Variants in ZMIZ1 observed in about 807,000 individuals in gnomAD.
The protein encoded by ZMIZ1 is zinc finger MIZ domain-containing protein 1.
ZMIZ1 carries 17 observed loss-of-function variants against 113.9 expected under a neutral mutation model. That is an observed-to-expected ratio of 0.15 (90% CI 0.10 to 0.22). The LOEUF is 0.22. ZMIZ1 is among the 10% of genes least tolerant of loss of function. The pLI, the probability that ZMIZ1 is intolerant of heterozygous loss-of-function variation, is 1.00. For synonymous variants in ZMIZ1, 607 were observed against 603.1 expected (o/e 1.01, Z -0.09); for missense variants, 1,059 against 1,477.8 (o/e 0.72, Z 4.65).
intron 8 of ZMIZ1, among the ~76,000 whole-genome samples, chr10:79,284,858 C>T (rs1054728853): frequency 3.3e-5 from 5 of 152,178 alleles, no homozygotes; most frequent in African/African-American, 7.2e-5. Flanking sequence ...TTTGCCAACA[C>T]GGCCAGTACA....
intron 23 of ZMIZ1, among the ~76,000 whole-genome samples, chr10:79,308,792 C>G (rs1158702859): frequency 1.3e-5 from 2 of 152,098 alleles, no homozygotes; most frequent in South Asian, 2.1e-4. Flanking sequence ...CAAAATCACA[C>G]CCCCCGACAC....
intron 1 of ZMIZ1, among the ~76,000 whole-genome samples, chr10:79,079,409 T>A (rs1842584438): frequency 6.6e-6 from 1 of 152,258 alleles, no homozygotes; most frequent in South Asian, 2.1e-4. Flanking sequence ...GTCGAAACTA[T>A]AGCCTTAGTC....
In ZMIZ1 at chr10:79,078,598, G is replaced by A. The variant is rs543786318; in HGVS notation, c.-337+9328G>A. Among the ~76,000 whole-genome samples the A allele has an allele frequency of 3.9e-5, 5 of 126,854 alleles. No individual in the cohort carries two copies. The East Asian group carries it at 1.2e-3, about 31-fold the overall frequency. The allele number at this position is 126,854 out of a possible 152,430, so 83.2% of individuals were successfully genotyped here. A position where few individuals can be genotyped will look rare whatever the true frequency, so the allele number is the denominator to read the frequency against. On this transcript the variant is annotated intron_variant, in intron 1 of 24. Transcript: ENST00000334512. Reference sequence around the variant, plus strand: ...TTTTTTTTTTTTTTTTTTTTGGAGTGCAGTGGTGCAATCTCAGCTCACTGC... The same window carrying A: ...TTTTTTTTTTTTTTTTTTTTGGAGTACAGTGGTGCAATCTCAGCTCACTGC...
chr10:79,137,802 C>T (rs1439422614), intron 2 of ZMIZ1, among the ~76,000 whole-genome samples: 2 of 151,042 alleles, frequency 1.3e-5, no homozygotes, highest in Admixed American at 1.3e-4. Flanking sequence ...TGGGGGAGGA[C>T]CTCTGAGAGG....
intron 23 of ZMIZ1, among the ~76,000 whole-genome samples, chr10:79,310,607 G>A (rs750698428): frequency 1.2e-4 from 18 of 152,166 alleles, no homozygotes; most frequent in Non-Finnish European, 2.4e-4. Context: ...TTGTCTGGGC[G>A]GGGAGGTGGA....
intron 5 of ZMIZ1, among the ~76,000 whole-genome samples, chr10:79,203,009 G>A (rs568498699): frequency 1.3e-5 from 2 of 152,216 alleles, no homozygotes; most frequent in African/African-American, 4.8e-5. Context: ...CCTGGTGTGT[G>A]GTGTCCATTG....
chr10:79,206,166 C>T (rs1848310826), intron 5 of ZMIZ1, among the ~76,000 whole-genome samples: 1 of 151,668 alleles, frequency 6.6e-6, no homozygotes, highest in Non-Finnish European at 1.5e-5. Flanking sequence ...ATGAGGTGTA[C>T]CCACAGCCTA....
At chr10:79,114,761 C>A (rs1157677701) in intron 1 of ZMIZ1, among the ~76,000 whole-genome samples, 3 of 152,112 alleles carry the variant, frequency 2.0e-5, no homozygotes, top group Non-Finnish European at 4.4e-5. Flanking sequence ...CTGAGAATCT[C>A]CCCTCCCCCT....
At chr10:79,294,041 C>T in intron 12 of ZMIZ1, 1 of 294,912 alleles carries the variant, frequency 3.4e-6, no homozygotes, top group Non-Finnish European at 6.7e-6. Context: ...TCCCCAACTC[C>T]TCTCCAAGAA....
intron 5 of ZMIZ1, among the ~76,000 whole-genome samples, chr10:79,207,044 G>C (rs746306289): frequency 6.6e-6 from 1 of 152,252 alleles, no homozygotes; most frequent in African/African-American, 2.4e-5. Context: ...CTGAGGCTCA[G>C]GGAGCTGAGG....
At chr10:79,151,936 C>T (rs1231803035) in intron 3 of ZMIZ1, among the ~76,000 whole-genome samples, 1 of 152,258 alleles carries the variant, frequency 6.6e-6, no homozygotes, top group African/African-American at 2.4e-5. Context: ...TGGCTCCTCC[C>T]GCCTGTCTGC....
chr10:79,175,600 G>GTGTGTA (rs1554862763), intron 4 of ZMIZ1, among the ~76,000 whole-genome samples: 27 of 109,160 alleles, frequency 2.5e-4, no homozygotes, highest in East Asian at 1.3e-3. Context: ...GTGTGTGTGT[G>GTGTGTA]TGTGTGTGTG....
chr10:79,250,022 G>C (rs1454787677), intron 7 of ZMIZ1, among the ~76,000 whole-genome samples: 1 of 152,210 alleles, frequency 6.6e-6, no homozygotes, highest in Admixed American at 6.5e-5. Context: ...GCCTGGCAGG[G>C]TTGCAGTGGG....
chr10:79,093,869 G>A (rs1300334029), intron 1 of ZMIZ1, among the ~76,000 whole-genome samples: 1 of 152,188 alleles, frequency 6.6e-6, no homozygotes, highest in East Asian at 1.9e-4. Flanking sequence ...TGGGTGCAGA[G>A]GACTTTGTGT....
At chr10:79,071,021 T>C (rs1286952584) in intron 1 of ZMIZ1, among the ~76,000 whole-genome samples, 2 of 152,152 alleles carry the variant, frequency 1.3e-5, no homozygotes, top group African/African-American at 4.8e-5. Context: ...AGGGCACGGC[T>C]CGGCCAGCCT....
intron 7 of ZMIZ1, among the ~76,000 whole-genome samples, chr10:79,249,158 C>T (rs1358428381): frequency 6.6e-6 from 1 of 152,216 alleles, no homozygotes; most frequent in East Asian, 1.9e-4. Context: ...CTCACTTCTG[C>T]TGCTTCCAGG....
intron 2 of ZMIZ1, among the ~76,000 whole-genome samples, chr10:79,123,656 T>C (rs1269583899): frequency 1.3e-5 from 2 of 152,206 alleles, no homozygotes; most frequent in Non-Finnish European, 2.9e-5. Context: ...CCCAAACAGC[T>C]GTTGCTCAGA....
chr10:79,128,050 G>T (rs1844591649), intron 2 of ZMIZ1, among the ~76,000 whole-genome samples: 1 of 152,164 alleles, frequency 6.6e-6, no homozygotes, highest in Non-Finnish European at 1.5e-5. Flanking sequence ...GGGACAGGAG[G>T]CATTGCATGC....
chr10:79,174,703 A>C lies in ZMIZ1; in HGVS notation c.-50+12570A>C, dbSNP rs193065657. Among the ~76,000 whole-genome samples the C allele has an allele frequency of 1.7e-3, 265 of 152,308 alleles. 1 individual carries two copies. Among genetic ancestry groups the C allele is most frequent in the African/African-American group, 6.1e-3 (255 of 41,550 alleles). ...GGGGCATAGAAGAGCTCAAAGTGTT[A>C]ATTCAGAAATGTGGCTGAGTTTGGG... is the stretch of plus-strand genomic sequence containing the variant. On this transcript the variant is annotated intron_variant, in intron 4 of 24. Coordinates refer to ENST00000334512, the MANE Select transcript of ZMIZ1 (RefSeq NM_020338.4).
Sources: gnomAD v4.1 joint callset for allele counts (sites outside exome capture counted in the v4.1 genomes callset) on GRCh38, gnomAD v4.1.1 for gene constraint, MANE v1.5 for transcripts, NCBI Gene and HGNC (gene_info 2026-07-23, HGNC 2026-07-21) for gene names.